The following HECTD2 variants were observed in gnomAD, a reference collection of about 807,000 sequenced individuals.
The protein encoded by HECTD2 is HECT domain E3 ubiquitin protein ligase 2.
Under a neutral mutation model 103.2 loss-of-function variants are expected in HECTD2, and 35 were observed. The ratio of observed to expected loss-of-function variants is 0.34; its 90% CI spans 0.26 to 0.45. The LOEUF is 0.45. Ranked by LOEUF, HECTD2 falls within the 20% of genes least tolerant of loss-of-function variation. The pLI, the probability that HECTD2 is intolerant of heterozygous loss-of-function variation, is 1.00. For missense variants in HECTD2, 596 were observed against 937.4 expected, an observed-to-expected ratio of 0.64 and a Z score of 4.76; for synonymous variants, 281 against 329.9, an observed-to-expected ratio of 0.85 and a Z score of 1.61.
chr10:91,437,039 A>C (rs762530736), intron 2 of HECTD2, among the ~76,000 whole-genome samples: 4 of 152,068 alleles, frequency 2.6e-5, no homozygotes, highest in Non-Finnish European at 2.9e-5. Flanking sequence ...ACAGATAAGG[A>C]GTATGAGATT....
intron 2 of HECTD2, among the ~76,000 whole-genome samples, chr10:91,426,778 A>G (rs548698644): frequency 5.3e-5 from 8 of 151,840 alleles, no homozygotes; most frequent in Non-Finnish European, 8.8e-5. Context: ...TTGAGCTTCC[A>G]TCAATGTGTG....
rs118119919 is a variant in HECTD2 at position 91,435,618 on chromosome 10, A to G, written c.268+10208A>G. On this transcript the variant is annotated intron_variant, in intron 2 of 20. Coordinates refer to ENST00000298068, the MANE Select transcript of HECTD2 (RefSeq NM_182765.6). ...GCCGCTGTGATTCCTGTTCCTTTGA[A>G]TCAGATGTCTCTCTACCTCTGTCTC... 8.9e-4 allele frequency among the ~76,000 whole-genome samples: 136 copies of G among 152,148 alleles called. 1 individual carries two copies. In the East Asian group the frequency reaches 0.021, roughly 24 times the overall value.
At chr10:91,417,445 T>A (rs1843173071) in intron 1 of HECTD2, among the ~76,000 whole-genome samples, 1 of 152,174 alleles carries the variant, frequency 6.6e-6, no homozygotes, top group African/African-American at 2.4e-5. Context: ...TATGTATACA[T>A]GTGCCATGTT....
intron 1 of HECTD2, among the ~76,000 whole-genome samples, chr10:91,411,151 G>A (rs962830642): frequency 3.9e-5 from 6 of 152,116 alleles, no homozygotes; most frequent in Non-Finnish European, 8.8e-5. Context: ...CTCAGGTGGG[G>A]GGAGGCTTTT....
intron 2 of HECTD2, among the ~76,000 whole-genome samples, chr10:91,426,606 C>G (rs150111508): frequency 2.4e-4 from 36 of 151,742 alleles, no homozygotes; most frequent in African/African-American, 8.4e-4. Context: ...ACCCCTCCGT[C>G]ACGCCAATAT....
intron 1 of HECTD2, among the ~76,000 whole-genome samples, chr10:91,418,539 C>G (rs1480069833): frequency 6.6e-6 from 1 of 152,000 alleles, no homozygotes; most frequent in Non-Finnish European, 1.5e-5. Flanking sequence ...TCCACTTGGG[C>G]TGGTGCTATT....
At chr10:91,438,363 G>A (rs905458463) in intron 2 of HECTD2, among the ~76,000 whole-genome samples, 4 of 152,118 alleles carry the variant, frequency 2.6e-5, no homozygotes, top group Non-Finnish European at 4.4e-5. Flanking sequence ...TTAGTTTGCT[G>A]AGAATGATGG....
At chr10:91,506,945 C>T (rs1258733208) in intron 20 of HECTD2, among the ~76,000 whole-genome samples, 3 of 150,232 alleles carry the variant, frequency 2.0e-5, no homozygotes, top group Non-Finnish European at 4.4e-5. Context: ...TGGGCTTCAT[C>T]CCTGGGATGC....
At chr10:91,486,764 A>G (rs1282757032) in intron 10 of HECTD2, 1 of 152,174 alleles carries the variant, frequency 6.6e-6, no homozygotes, top group Non-Finnish European at 1.5e-5. Flanking sequence ...TTAATGATTC[A>G]AAATAATTAT....
At chr10:91,426,146 G>C (rs1351451507) in intron 2 of HECTD2, among the ~76,000 whole-genome samples, 1 of 152,120 alleles carries the variant, frequency 6.6e-6, no homozygotes, top group South Asian at 2.1e-4. Flanking sequence ...TTTGTACTTT[G>C]AGCATAGAGG....
At chr10:91,504,106 C>T (rs1416826518) in intron 20 of HECTD2, among the ~76,000 whole-genome samples, 2 of 151,942 alleles carry the variant, frequency 1.3e-5, no homozygotes, top group Non-Finnish European at 2.9e-5. Flanking sequence ...GAAAGGACAT[C>T]CACACCAAAA....
chr10:91,496,184 A>G, intron 14 of HECTD2, 30 bp from the exon 15 acceptor site: 1 of 1,535,350 alleles, frequency 6.5e-7, no homozygotes, highest in South Asian at 1.2e-5. Flanking sequence ...CATGGATTTT[A>G]TGTTAATGCT....
At chr10:91,433,062 AGAAGAAGTATTTTCAAG>A (rs1053576236) in intron 2 of HECTD2, among the ~76,000 whole-genome samples, 32 of 152,016 alleles carry the variant, frequency 2.1e-4, no homozygotes, top group Admixed American at 2.6e-4. Context: ...TTCCTACCTT[AGAAGAAGTATTTTCAAG>A]GCCCAAATAA....
rs542227644 is a variant in HECTD2 at position 91,497,120 on chromosome 10, C to T, written c.1680+748C>T. 5.4e-3 allele frequency among the ~76,000 whole-genome samples: 789 copies of T among 145,248 alleles called. 4 individuals carry two copies. Among genetic ancestry groups the T allele is most frequent in the African/African-American group, 0.018 (702 of 38,618 alleles). Reference sequence around the variant, plus strand: ...GATTTTAGGCATGTGCCACCGTGCCCGGCAAATTTTTTTTTTTTTTTTTTT... The same window carrying T: ...GATTTTAGGCATGTGCCACCGTGCCTGGCAAATTTTTTTTTTTTTTTTTTT... On this transcript the variant is annotated intron_variant, in intron 15 of 20. Transcript: ENST00000298068.
chr10:91,506,740 T>C (rs1355151966), intron 20 of HECTD2, among the ~76,000 whole-genome samples: 5 of 151,758 alleles, frequency 3.3e-5, no homozygotes, highest in African/African-American at 9.7e-5. Flanking sequence ...TTCCAATCAA[T>C]AGAAAAAGAG....
intron 20 of HECTD2, among the ~76,000 whole-genome samples, chr10:91,502,640 T>A (rs1846949321): frequency 6.6e-6 from 1 of 152,108 alleles, no homozygotes; most frequent in South Asian, 2.1e-4. Flanking sequence ...AAACAAAATT[T>A]ACAATTAAAG....
At chr10:91,440,436 T>C (rs971918435) in intron 2 of HECTD2, among the ~76,000 whole-genome samples, 9 of 151,982 alleles carry the variant, frequency 5.9e-5, no homozygotes, top group South Asian at 2.1e-4. Flanking sequence ...CCAACTTGAT[T>C]GTGGTGGATA....
chr10:91,431,113 G>T (rs1409803148), intron 2 of HECTD2, among the ~76,000 whole-genome samples: 1 of 150,442 alleles, frequency 6.6e-6, no homozygotes, highest in South Asian at 2.1e-4. Context: ...TGTCTGTAAA[G>T]TATTTTATTT....
At chr10:91,413,958 A>T (rs1256407226) in intron 1 of HECTD2, among the ~76,000 whole-genome samples, 1 of 152,192 alleles carries the variant, frequency 6.6e-6, no homozygotes, top group East Asian at 1.9e-4. Flanking sequence ...TGATGATGTG[A>T]ATATTAAATT....
Sources: allele counts gnomAD v4.1 joint callset (sites outside exome capture counted in the v4.1 genomes callset), GRCh38; gene constraint gnomAD v4.1.1; transcripts MANE v1.5; gene names NCBI Gene and HGNC (gene_info 2026-07-23, HGNC 2026-07-21).